Variants in RBFOX1 observed in about 807,000 individuals in gnomAD.
RBFOX1 encodes RNA binding protein fox-1 homolog 1.
A neutral mutation model predicts 57.7 loss-of-function variants in RBFOX1; 8 were observed. That is an observed-to-expected ratio of 0.14 (90% CI 0.08 to 0.25). The LOEUF (loss-of-function observed/expected upper bound fraction) is 0.25. Among genes scored for constraint, RBFOX1 ranks in the 10% least tolerant of loss-of-function variants. RBFOX1 has a pLI of 1.00. For synonymous variants in RBFOX1, 326 were observed against 222.4 expected (o/e 1.47, Z -4.15); for missense variants, 611 against 548.5 (o/e 1.11, Z -1.14).
chr16:7,255,043 G>A (rs1447440116), intron 4 of RBFOX1, among the ~76,000 whole-genome samples: 1 of 152,124 alleles, frequency 6.6e-6, no homozygotes, highest in Non-Finnish European at 1.5e-5. Context: ...CTTTATAACA[G>A]TAGTGTTTTT....
At chr16:7,172,094 C>G (rs1458479929) in intron 4 of RBFOX1, among the ~76,000 whole-genome samples, 2 of 152,100 alleles carry the variant, frequency 1.3e-5, no homozygotes, top group Admixed American at 6.6e-5. Flanking sequence ...CTTTAACGTT[C>G]TCATCTGTAA....
chr16:7,463,718 A>G (rs2059986938), intron 4 of RBFOX1, among the ~76,000 whole-genome samples: 1 of 152,148 alleles, frequency 6.6e-6, no homozygotes, highest in Admixed American at 6.5e-5. Flanking sequence ...GGGCATGGGA[A>G]TATTTGGGGG....
intron 2 of RBFOX1, among the ~76,000 whole-genome samples, chr16:5,520,820 A>T (rs2043983142): frequency 6.6e-6 from 1 of 152,142 alleles, no homozygotes; most frequent in Non-Finnish European, 1.5e-5. Context: ...CAGAAGTCTA[A>T]ATGCAGTTAT....
intron 2 of RBFOX1, among the ~76,000 whole-genome samples, chr16:5,561,592 T>C (rs1159297182): frequency 4.6e-5 from 7 of 152,150 alleles, no homozygotes; most frequent in African/African-American, 1.7e-4. Context: ...GGTGACGATA[T>C]AAGGTTTTAA....
chr16:5,677,402 G>T lies in RBFOX1; in HGVS notation c.318+78441G>T, dbSNP rs146809623. ...AGTCAAAGAATTCTTAGGGGAAAAT[G>T]AATGCACTTTCTATGGGTCCCTGTT... is the stretch of plus-strand genomic sequence containing the variant. On this transcript the variant is annotated intron_variant, in intron 3 of 19. Transcript: ENST00000641259. Among the ~76,000 whole-genome samples the T allele has an allele frequency of 1.4e-4, 21 of 152,290 alleles. No homozygotes were observed. The East Asian group carries it at 3.9e-3, about 28-fold the overall frequency.
At chr16:5,536,822 T>C (rs375688638) in intron 2 of RBFOX1, among the ~76,000 whole-genome samples, 21 of 151,586 alleles carry the variant, frequency 1.4e-4, no homozygotes, top group African/African-American at 4.6e-4. Context: ...AAGGGGGGAG[T>C]TGGTCAACAG....
intron 2 of RBFOX1, among the ~76,000 whole-genome samples, chr16:6,338,738 G>C (rs543025715): frequency 6.6e-6 from 1 of 152,272 alleles, no homozygotes; most frequent in South Asian, 2.1e-4. Context: ...TCTTCAAAGA[G>C]TGCATGTTTA....
intron 3 of RBFOX1, among the ~76,000 whole-genome samples, chr16:6,901,171 C>G (rs903230845): frequency 6.6e-6 from 1 of 152,102 alleles, no homozygotes; most frequent in African/African-American, 2.4e-5. Flanking sequence ...ATCCTAGTGT[C>G]TAACATAGGT....
intron 4 of RBFOX1, among the ~76,000 whole-genome samples, chr16:7,151,340 CAGTG>C (rs760906912): frequency 4.6e-5 from 7 of 152,132 alleles, no homozygotes; most frequent in Non-Finnish European, 7.3e-5. Flanking sequence ...TATTTTTTGA[CAGTG>C]AGATTTATTG....
chr16:7,224,345 A>G (rs1162705267), intron 4 of RBFOX1, among the ~76,000 whole-genome samples: 1 of 152,150 alleles, frequency 6.6e-6, no homozygotes, highest in Non-Finnish European at 1.5e-5. Context: ...TAATTCTACC[A>G]AAAGCCATTT....
intron 2 of RBFOX1, among the ~76,000 whole-genome samples, chr16:5,519,046 G>C (rs529847461): frequency 3.7e-4 from 56 of 152,178 alleles, no homozygotes; most frequent in South Asian, 2.1e-4. Flanking sequence ...AAGGAGAACT[G>C]TGTGGCACAG....
At chr16:6,901,016 C>T (rs935643406) in intron 3 of RBFOX1, among the ~76,000 whole-genome samples, 1 of 152,172 alleles carries the variant, frequency 6.6e-6, no homozygotes, top group Non-Finnish European at 1.5e-5. Flanking sequence ...TGATATCCCT[C>T]CCATTCACCG....
intron 4 of RBFOX1, among the ~76,000 whole-genome samples, chr16:5,876,064 T>C (rs928171409): frequency 4.1e-4 from 62 of 152,084 alleles, no homozygotes; most frequent in Non-Finnish European, 8.2e-4. Flanking sequence ...AGGGTAGTCT[T>C]GATCTTATGA....
At chr16:5,663,210 A>G (rs1047052086) in intron 3 of RBFOX1, among the ~76,000 whole-genome samples, 2 of 151,970 alleles carry the variant, frequency 1.3e-5, no homozygotes, top group African/African-American at 4.8e-5. Flanking sequence ...TTATTTATTG[A>G]TTATTTTATT....
chr16:5,997,199 G>C (rs997355665), intron 4 of RBFOX1, among the ~76,000 whole-genome samples: 1 of 152,136 alleles, frequency 6.6e-6, no homozygotes, highest in African/African-American at 2.4e-5. Context: ...CTACCAGGAA[G>C]CCCATAGCTG....
At chr16:7,124,901 G>A (rs2068100792) in intron 4 of RBFOX1, among the ~76,000 whole-genome samples, 1 of 152,076 alleles carries the variant, frequency 6.6e-6, no homozygotes, top group Non-Finnish European at 1.5e-5. Flanking sequence ...GCCAGTGACA[G>A]CGTTATGAGC....
intron 14 of RBFOX1, among the ~76,000 whole-genome samples, chr16:7,698,792 A>G (rs1327464495): frequency 1.3e-5 from 2 of 152,176 alleles, no homozygotes; most frequent in Admixed American, 1.3e-4. Flanking sequence ...AAAGGAACTT[A>G]GGAAACATAC....
chr16:5,302,488 C>A (rs796698111), intron 1 of RBFOX1, among the ~76,000 whole-genome samples: 48 of 152,186 alleles, frequency 3.2e-4, no homozygotes, highest in African/African-American at 1.1e-3. Flanking sequence ...TAATATATGC[C>A]TACTAATTTT....
At chr16:5,799,578 A>G (rs1178282762) in intron 3 of RBFOX1, among the ~76,000 whole-genome samples, 1 of 152,206 alleles carries the variant, frequency 6.6e-6, no homozygotes, top group African/African-American at 2.4e-5. Flanking sequence ...AGTTGGTTAC[A>G]GGAGATATTC....
Sources: gnomAD v4.1 joint callset for allele counts (sites outside exome capture counted in the v4.1 genomes callset) on GRCh38, gnomAD v4.1.1 for gene constraint, MANE v1.5 for transcripts, NCBI Gene and HGNC (gene_info 2026-07-23, HGNC 2026-07-21) for gene names.